ADAM2: variants seen among roughly 807,000 people sequenced by gnomAD.
ADAM2 encodes ADAM metallopeptidase domain 2, also known as disintegrin and metalloproteinase domain-containing protein 2.
In ADAM2, 101 loss-of-function variants were observed where a neutral mutation model predicts 99.3. That is an observed-to-expected ratio of 1.02 (90% CI 0.87 to 1.20). ADAM2 has a LOEUF of 1.20. ADAM2 is among the 50% of genes most tolerant of loss of function. The pLI is 0.00. For synonymous variants in ADAM2, 323 were observed against 287.6 expected (o/e 1.12, Z -1.25); for missense variants, 948 against 878.7 (o/e 1.08, Z -1.00).
At chr8:39,811,297 C>T (rs1477739380) in intron 6 of ADAM2, among the ~76,000 whole-genome samples, 1 of 149,836 alleles carries the variant, frequency 6.7e-6, no homozygotes, top group Non-Finnish European at 1.5e-5. Flanking sequence ...CAATAATTAA[C>T]CAAAATAAGT....
At chr8:39,794,821 G>T (rs930357273) in intron 7 of ADAM2, among the ~76,000 whole-genome samples, 1 of 152,020 alleles carries the variant, frequency 6.6e-6, no homozygotes, top group Non-Finnish European at 1.5e-5. Context: ...TCTTGCCAAT[G>T]CTCCTGGCTG....
chr8:39,827,711 T>C (rs547035531), intron 3 of ADAM2, among the ~76,000 whole-genome samples: 1 of 152,216 alleles, frequency 6.6e-6, no homozygotes, highest in East Asian at 1.9e-4. Context: ...AGTAGAATGA[T>C]GGTTTTTAGG....
intron 11 of ADAM2, among the ~76,000 whole-genome samples, chr8:39,770,297 C>A (rs1160982435): frequency 1.3e-5 from 2 of 152,050 alleles, no homozygotes; most frequent in Non-Finnish European, 2.9e-5. Context: ...GTTATTTTAT[C>A]CATGTCTATA....
At position 39,786,959 on chromosome 8, in the gene ADAM2, A is replaced by G; in HGVS notation, c.891+15T>C. ...AATTTATGTAGCATACTTTCTATAC[A>G]TAACCATACCATACCAGAACAACAC... On this transcript the variant is annotated intron_variant, in intron 10 of 20. Coordinates refer to ENST00000265708, the MANE Select transcript of ADAM2 (RefSeq NM_001464.5). 6.4e-7 allele frequency: 1 copy of G among 1,557,634 alleles called. No individual in the cohort carries two copies. The highest frequency in any genetic ancestry group is 1.2e-5 in the South Asian group (1 of 83,180).
chr8:39,792,470 A>C (rs1407332526), intron 7 of ADAM2, among the ~76,000 whole-genome samples: 1 of 151,938 alleles, frequency 6.6e-6, no homozygotes, highest in Non-Finnish European at 1.5e-5. Flanking sequence ...GACTGATGAA[A>C]CCCCTATTGT....
intron 12 of ADAM2, among the ~76,000 whole-genome samples, chr8:39,767,698 T>A (rs1290699897): frequency 6.6e-6 from 1 of 152,198 alleles, no homozygotes; most frequent in Non-Finnish European, 1.5e-5. Flanking sequence ...TTTATTTCAT[T>A]TTTAACTCCC....
intron 6 of ADAM2, among the ~76,000 whole-genome samples, chr8:39,818,377 C>T (rs918419778): frequency 6.6e-6 from 1 of 152,006 alleles, no homozygotes; most frequent in Non-Finnish European, 1.5e-5. Flanking sequence ...TCCAACAACC[C>T]TTAATGACAA....
intron 11 of ADAM2, among the ~76,000 whole-genome samples, chr8:39,772,314 A>C (rs1285886829): frequency 6.6e-6 from 1 of 152,000 alleles, no homozygotes; most frequent in African/African-American, 2.4e-5. Flanking sequence ...GTTTTTAATA[A>C]ATGAGTGAAC....
At chr8:39,819,351 C>G (rs1805082279) in intron 6 of ADAM2, among the ~76,000 whole-genome samples, 1 of 151,800 alleles carries the variant, frequency 6.6e-6, no homozygotes, top group Admixed American at 6.6e-5. Context: ...TCTACCTCAT[C>G]CAATAAAAAA....
intron 6 of ADAM2, chr8:39,817,934 A>G (rs953528382): frequency 1.3e-5 from 2 of 151,884 alleles, no homozygotes; most frequent in African/African-American, 4.8e-5. Flanking sequence ...AATAGACTTA[A>G]TGAGAAAAAA....
chr8:39,772,399 T>A (rs1297018096), intron 11 of ADAM2, among the ~76,000 whole-genome samples: 1 of 152,018 alleles, frequency 6.6e-6, no homozygotes, highest in Non-Finnish European at 1.5e-5. Flanking sequence ...ATAGACATGT[T>A]TTTGTAAGCT....
chr8:39,779,302 C>T (rs1410639336), intron 10 of ADAM2, among the ~76,000 whole-genome samples: 1 of 152,068 alleles, frequency 6.6e-6, no homozygotes, highest in African/African-American at 2.4e-5. Flanking sequence ...GCTGGCCTTT[C>T]CTCTATGTGC....
At chr8:39,775,222 C>T (rs1802942264) in intron 11 of ADAM2, among the ~76,000 whole-genome samples, 1 of 152,092 alleles carries the variant, frequency 6.6e-6, no homozygotes, top group Non-Finnish European at 1.5e-5. Context: ...AGGAAAAAGG[C>T]TGGTTGACAT....
intron 11 of ADAM2, among the ~76,000 whole-genome samples, chr8:39,775,749 C>T (rs187370704): frequency 3.1e-4 from 47 of 152,180 alleles, no homozygotes; most frequent in African/African-American, 1.1e-3. Context: ...TCCCTATTCC[C>T]TTATTTACTT....
At chr8:39,817,461 G>A (rs1805001442) in intron 6 of ADAM2, among the ~76,000 whole-genome samples, 1 of 152,110 alleles carries the variant, frequency 6.6e-6, no homozygotes, top group African/African-American at 2.4e-5. Context: ...TTTATTGTAT[G>A]TTTTCAAGTA....
Position 39,788,101 on chromosome 8 carries a change from C to A in ADAM2, c.793G>T (p.Val265Leu). 1 of 1,537,330 alleles carries A rather than the reference C, an allele frequency of 6.5e-7. No individual in the cohort carries two copies. The highest frequency in any genetic ancestry group is 2.1e-5 in the Admixed American group (1 of 48,564). The part of the protein sequence containing the change: ...TSYLVLRPHD[V>L]AFLLVYREKS... ...TATCCTTACACAAGTAAAAATGCCA[C>A]ATCATGAGGACGTAAAACAAGATAA... Residue 265 changes from valine (V) to leucine (L), a missense_variant, in exon 9 of 21, where the codon GTG becomes TTG. Val to Leu is a conservative substitution (Grantham distance 32). Transcript: ENST00000265708.
intron 15 of ADAM2, among the ~76,000 whole-genome samples, chr8:39,756,785 C>CAA (rs1802166571): frequency 6.6e-6 from 1 of 152,226 alleles, no homozygotes. Context: ...GTTCTGCACT[C>CAA]ATAGTGCACA....
chr8:39,817,614 T>C (rs1028052482), intron 6 of ADAM2, among the ~76,000 whole-genome samples: 1 of 152,178 alleles, frequency 6.6e-6, no homozygotes, highest in Non-Finnish European at 1.5e-5. Context: ...AGTGTGATTA[T>C]TATCTGTCAG....
chr8:39,785,034 G>T (rs1368566637), intron 10 of ADAM2, among the ~76,000 whole-genome samples: 2 of 152,070 alleles, frequency 1.3e-5, no homozygotes, highest in African/African-American at 4.8e-5. Flanking sequence ...TTCTTGTTGT[G>T]CAGCAGCTCC....
Sources: gnomAD v4.1 joint callset for allele counts (sites outside exome capture counted in the v4.1 genomes callset) on GRCh38, gnomAD v4.1.1 for gene constraint, MANE v1.5 for transcripts, NCBI Gene and HGNC (gene_info 2026-07-23, HGNC 2026-07-21) for gene names.